Variants in RMDN2 observed in about 807,000 individuals in gnomAD.
RMDN2 encodes the protein regulator of microtubule dynamics protein 2.
A neutral mutation model predicts 52.8 loss-of-function variants in RMDN2; 61 were observed. That is an observed-to-expected ratio of 1.16 (90% CI 0.94 to 1.43). RMDN2 has a LOEUF of 1.43. RMDN2 is among the 40% of genes most tolerant of loss of function. The pLI is 0.00. For missense variants in RMDN2, 592 were observed against 475.3 expected, an observed-to-expected ratio of 1.25 and a Z score of -2.28; for synonymous variants, 180 against 153.1, an observed-to-expected ratio of 1.18 and a Z score of -1.30.
intron 10 of RMDN2, among the ~76,000 whole-genome samples, chr2:38,008,798 C>A (rs1395397149): frequency 1.3e-5 from 2 of 152,168 alleles, no homozygotes; most frequent in African/African-American, 4.8e-5. Context: ...TCTTCCTAGC[C>A]TCGATGGTCT....
chr2:37,952,369 G>T, intron 2 of RMDN2: 1 of 611,222 alleles, frequency 1.6e-6, no homozygotes, highest in Non-Finnish European at 2.7e-6. Flanking sequence ...AATTGCTGTA[G>T]TTTTGAAAGT....
intron 10 of RMDN2, among the ~76,000 whole-genome samples, chr2:38,041,321 G>A (rs1212617948): frequency 2.6e-5 from 4 of 151,708 alleles, no homozygotes; most frequent in African/African-American, 9.7e-5. Flanking sequence ...TTTTCTTTTA[G>A]AGGTTTTATA....
chr2:37,947,349 C>A (rs999487390), intron 2 of RMDN2, among the ~76,000 whole-genome samples: 1 of 152,048 alleles, frequency 6.6e-6, no homozygotes, highest in Admixed American at 6.6e-5. Flanking sequence ...AAACTTCTTT[C>A]TCTCAAAATA....
chr2:38,003,596 A>G (rs879784601), intron 8 of RMDN2, among the ~76,000 whole-genome samples: 1,779 of 120,210 alleles, frequency 0.015, 20 homozygotes, highest in Middle Eastern at 0.019. Context: ...AGATAGATAG[A>G]TAGATAGGCA....
intron 10 of RMDN2, among the ~76,000 whole-genome samples, chr2:38,025,870 G>A (rs7595482): frequency 0.36 from 53,937 of 151,854 alleles, 11,043 homozygotes; most frequent in East Asian, 0.69. Flanking sequence ...TTTATTTTAA[G>A]TTTTTGCATA....
chr2:37,988,804 T>A (rs1674380832), intron 5 of RMDN2, among the ~76,000 whole-genome samples: 1 of 152,194 alleles, frequency 6.6e-6, no homozygotes, highest in African/African-American at 2.4e-5. Flanking sequence ...AAAAGCAACA[T>A]ATCTTCAATT....
At chr2:37,997,643 G>A in intron 8 of RMDN2, 129 bp downstream of exon 8, 17 of 657,532 alleles carry the variant, frequency 2.6e-5, no homozygotes, top group Non-Finnish European at 4.6e-5. Context: ...GGCATGTTCT[G>A]TTTTAAGCCC....
chr2:37,943,758 A>G (rs1375469554), intron 2 of RMDN2, among the ~76,000 whole-genome samples: 3 of 152,062 alleles, frequency 2.0e-5, no homozygotes, highest in African/African-American at 4.8e-5. Flanking sequence ...CTCCTCCCCT[A>G]TCCTTCTAAA....
chr2:37,958,882 T>C (rs1404080907), intron 2 of RMDN2, among the ~76,000 whole-genome samples: 2 of 151,026 alleles, frequency 1.3e-5, no homozygotes, highest in Non-Finnish European at 2.9e-5. Context: ...CTTTTCTGCA[T>C]CTATTGTGAT....
intron 2 of RMDN2, among the ~76,000 whole-genome samples, chr2:37,969,576 A>G (rs1440246929): frequency 6.6e-6 from 1 of 151,940 alleles, no homozygotes; most frequent in African/African-American, 2.4e-5. Context: ...AGTTCTAATT[A>G]CTTATATGTA....
chr2:37,993,253 C>G (rs1475955765), intron 7 of RMDN2, among the ~76,000 whole-genome samples: 1 of 152,066 alleles, frequency 6.6e-6, no homozygotes, highest in African/African-American at 2.4e-5. Flanking sequence ...AATCTTTGCT[C>G]TTAACTAGTA....
intron 10 of RMDN2, among the ~76,000 whole-genome samples, chr2:38,063,527 G>A (rs913328391): frequency 9.2e-5 from 14 of 152,112 alleles, no homozygotes. Flanking sequence ...AAAAGTAATG[G>A]CAACAAAAGC....
At chr2:37,935,324 G>A (rs972917089) in intron 2 of RMDN2, among the ~76,000 whole-genome samples, 1 of 152,136 alleles carries the variant, frequency 6.6e-6, no homozygotes, top group Non-Finnish European at 1.5e-5. Context: ...TCACTTTCAT[G>A]AGCCAAAAAT....
intron 10 of RMDN2, among the ~76,000 whole-genome samples, chr2:38,065,898 G>A (rs1260383858): frequency 2.0e-5 from 3 of 152,164 alleles, no homozygotes; most frequent in Non-Finnish European, 2.9e-5. Context: ...GAGGATTCCC[G>A]CACAATGTCA....
intron 7 of RMDN2, among the ~76,000 whole-genome samples, chr2:37,992,832 T>C (rs952775976): frequency 1.2e-4 from 19 of 152,140 alleles, no homozygotes; most frequent in African/African-American, 4.6e-4. Context: ...CCCTATAAGG[T>C]TAATAAGGTT....
At chr2:38,018,706 A>G (rs1422680990), downstream of RMDN2, among the ~76,000 whole-genome samples, 1 of 152,194 alleles carries the variant, frequency 6.6e-6, no homozygotes, top group African/African-American at 2.4e-5. Context: ...ATTTCTGTGG[A>G]GCTGTATTTT....
intron 2 of RMDN2, among the ~76,000 whole-genome samples, chr2:37,936,244 A>G (rs1422570322): frequency 6.6e-6 from 1 of 152,132 alleles, no homozygotes; most frequent in Non-Finnish European, 1.5e-5. Flanking sequence ...TTTTTTAGGG[A>G]TGCATGGTAT....
At chr2:37,934,480 T>C (rs1667123360) in intron 2 of RMDN2, among the ~76,000 whole-genome samples, 1 of 152,216 alleles carries the variant, frequency 6.6e-6, no homozygotes, top group South Asian at 2.1e-4. Context: ...GCACTAGTGT[T>C]AACATTTTGG....
upstream of RMDN2, among the ~76,000 whole-genome samples, chr2:37,925,024 G>T (rs917450014): frequency 6.6e-6 from 1 of 152,184 alleles, no homozygotes; most frequent in Non-Finnish European, 1.5e-5. Context: ...CGTGCGGAGT[G>T]GCAGCAACGC....
Sources: allele counts gnomAD v4.1 joint callset (sites outside exome capture counted in the v4.1 genomes callset), GRCh38; gene constraint gnomAD v4.1.1; transcripts MANE v1.5; gene names NCBI Gene and HGNC (gene_info 2026-07-23, HGNC 2026-07-21).